Variants in AGAP1 observed in about 807,000 individuals in gnomAD.
AGAP1 encodes arf-GAP with GTPase, ANK repeat and PH domain-containing protein 1.
Under a neutral mutation model 105.3 loss-of-function variants are expected in AGAP1, and 29 were observed. The observed-to-expected ratio is 0.28, with a 90% CI of 0.21 to 0.38. The LOEUF (loss-of-function observed/expected upper bound fraction) is 0.38, where lower values mean the gene tolerates loss of function less well. Among genes scored for constraint, AGAP1 ranks in the 10% least tolerant of loss-of-function variants. AGAP1 has a pLI of 1.00. For missense variants in AGAP1, 998 were observed against 1,165.1 expected (o/e 0.86, Z 2.09); for synonymous variants, 509 against 485.9 (o/e 1.05, Z -0.63).
rs1198327925 is a variant in AGAP1 at position 235,600,658 on chromosome 2, A to G, written c.163+105809A>G. 1.3e-5 allele frequency among the ~76,000 whole-genome samples: 2 copies of G among 152,218 alleles called. No homozygotes were observed. Among genetic ancestry groups the G allele is most frequent in the East Asian group, 1.9e-4 (1 of 5,198 alleles). ...TGATGTTCGAGGGCAGGAAGCATCC[A>G]GCACAGGACAAAGATACAGGCTGGG... On this transcript the variant is annotated intron_variant, in intron 1 of 17. Transcript: ENST00000304032. The surrounding 1 kb of genome is among the most constrained non-coding windows in gnomAD (Gnocchi z 4.8).
At chr2:235,987,480 C>A (rs2317300) in intron 13 of AGAP1, among the ~76,000 whole-genome samples, 83,175 of 145,446 alleles carry the variant, frequency 0.57, 24,021 homozygotes, top group South Asian at 0.68. Flanking sequence ...TTTTCCCCCC[C>A]AAAAAACCAG....
rs754830064 is a variant in AGAP1, at chr2:235,743,822, A to T, written c.397-876A>T. 3.9e-5 allele frequency among the ~76,000 whole-genome samples: 6 copies of T among 152,324 alleles called. No individual in the cohort carries two copies. The South Asian group carries it at 6.2e-4, about 16-fold the overall frequency. ...CAAATTTGCACTTGGAAAGAGAAGGATCTTTGTTGCCAGATAGAGCTGATG... is the reference window on the plus strand; with the variant it reads ...CAAATTTGCACTTGGAAAGAGAAGGTTCTTTGTTGCCAGATAGAGCTGATG... On this transcript the variant is annotated intron_variant, in intron 4 of 17. Coordinates refer to ENST00000304032, the MANE Select transcript of AGAP1 (RefSeq NM_001037131.3).
chr2:235,816,920 T>C (rs930749900), intron 9 of AGAP1, among the ~76,000 whole-genome samples: 1 of 151,982 alleles, frequency 6.6e-6, no homozygotes, highest in Admixed American at 6.6e-5. Context: ...AGACCAAGAC[T>C]CCTAAGGAAA....
chr2:236,111,717 A>G (rs1223726083), intron 16 of AGAP1, among the ~76,000 whole-genome samples: 1 of 151,038 alleles, frequency 6.6e-6, no homozygotes, highest in Non-Finnish European at 1.5e-5. Context: ...GCTTGAGCCC[A>G]GGAGTTCGAG....
In AGAP1 at chr2:236,092,153, G is replaced by A. The variant is rs757187893; in HGVS notation, c.2115-28039G>A. 3.3e-5 allele frequency among the ~76,000 whole-genome samples: 5 copies of A among 152,188 alleles called. No individual in the cohort carries two copies. The highest frequency in any genetic ancestry group is 7.3e-5 in the Non-Finnish European group (5 of 68,034). On this transcript the variant is annotated intron_variant, in intron 16 of 17. Transcript: ENST00000304032. This position sits in a 1 kb window ranked among gnomAD's most constrained non-coding sequence, Gnocchi z 4.7. Reference sequence around the variant, plus strand: ...GGGTGAGGTTTTAGAAAGGCAACAAGAGAGACCCTTGACTGGTGCTAGATA... The same window carrying A: ...GGGTGAGGTTTTAGAAAGGCAACAAAAGAGACCCTTGACTGGTGCTAGATA...
chr2:235,998,766 G>A (rs2055930620), intron 13 of AGAP1, among the ~76,000 whole-genome samples: 1 of 151,578 alleles, frequency 6.6e-6, no homozygotes, highest in Admixed American at 6.6e-5. Context: ...GGTGATGATG[G>A]TGAGAGGTTA....
rs1434841918 is a variant in AGAP1 at position 235,559,601 on chromosome 2, C to T, written c.163+64752C>T. ...CCCTCATCCAGATCCCCAGACGTGA[C>T]CACTGTTATGTGGTTATATGTTACG... On this transcript the variant is annotated intron_variant, in intron 1 of 17. Coordinates refer to ENST00000304032, the MANE Select transcript of AGAP1 (RefSeq NM_001037131.3). The surrounding 1 kb of genome is among the most constrained non-coding windows in gnomAD (Gnocchi z 5.7). Among the ~76,000 whole-genome samples, 1 of 152,180 alleles carries T rather than the reference C, an allele frequency of 6.6e-6. No individual in the cohort carries two copies. Among genetic ancestry groups the T allele is most frequent in the Non-Finnish European group, 1.5e-5 (1 of 68,036 alleles).
intron 13 of AGAP1, among the ~76,000 whole-genome samples, chr2:236,016,420 G>A (rs547125343): frequency 2.2e-4 from 29 of 133,124 alleles, no homozygotes; most frequent in African/African-American, 7.8e-4. Flanking sequence ...TGGGTTTGTC[G>A]CAACAAATTT....
intron 14 of AGAP1, chr2:236,037,439 C>T (rs142993515): frequency 6.6e-6 from 1 of 152,130 alleles, no homozygotes; most frequent in Non-Finnish European, 1.5e-5. Context: ...TCTCTGTCAC[C>T]TAGGCTGGAG....
chr2:235,950,355 C>T (rs2053680071), intron 12 of AGAP1, among the ~76,000 whole-genome samples: 1 of 151,564 alleles, frequency 6.6e-6, no homozygotes, highest in Non-Finnish European at 1.5e-5. Flanking sequence ...CTGGCCATGG[C>T]TGTGCCATAG....
chr2:235,666,818 A>G (rs1948142278), intron 1 of AGAP1, among the ~76,000 whole-genome samples: 1 of 152,062 alleles, frequency 6.6e-6, no homozygotes, highest in African/African-American at 2.4e-5. Context: ...CAAGCCAGAT[A>G]GATTTACATA....
intron 9 of AGAP1, among the ~76,000 whole-genome samples, chr2:235,856,159 G>T: frequency 6.6e-6 from 1 of 152,034 alleles, no homozygotes; most frequent in East Asian, 1.9e-4. Context: ...TGAGCCACTC[G>T]CCTCGGCCTC....
chr2:236,124,238 ACCTC>A lies in AGAP1; in HGVS notation c.*123_*126del. ...CATCCCCTCCCTCTTCCTGGTGGCC[ACCTC>A]CCTCCCGCCCACCCACTCTCACCCC... On this transcript the variant is annotated 3_prime_UTR_variant, in exon 18 of 18. Coordinates refer to ENST00000304032, the MANE Select transcript of AGAP1 (RefSeq NM_001037131.3). This position sits in a 1 kb window ranked among gnomAD's most constrained non-coding sequence, Gnocchi z 5.1. 8.5e-7 allele frequency: 1 copy of A among 1,180,784 alleles called. No individual in the cohort carries two copies. The highest frequency in any genetic ancestry group is 1.2e-6 in the Non-Finnish European group (1 of 832,912). 73.1% of individuals were successfully genotyped at this position (1,180,784 alleles called of 1,614,324 possible). A position where few individuals can be genotyped will look rare whatever the true frequency, so the allele number is the denominator to read the frequency against.
chr2:235,649,706 G>C (rs1435102162), intron 1 of AGAP1, among the ~76,000 whole-genome samples: 2 of 152,210 alleles, frequency 1.3e-5, no homozygotes, highest in Non-Finnish European at 2.9e-5. Flanking sequence ...CCAGGTGGCT[G>C]TGCTGATGCT....
In AGAP1 at chr2:236,124,006, G is replaced by A. The variant is rs767278330; in HGVS notation, c.2458G>A (p.Val820Met). Residue 820 changes from valine to methionine, a missense_variant, in exon 18 of 18, where the codon GTG becomes ATG. Val to Met is a conservative substitution (Grantham distance 21). Transcript: ENST00000304032. This position sits in a 1 kb window ranked among gnomAD's most constrained non-coding sequence, Gnocchi z 5.1. The stretch of plus-strand genomic sequence containing the variant: ...GGCCTCCAGCCAGGAGTGCATCGAC[G>A]TGCTGCTGCAGTACGGCTGCCCCGA... ...RQASSQECIDVLLQYGCPDER... is the reference protein window; with the variant it reads ...RQASSQECIDMLLQYGCPDER... The A allele has an allele frequency of 5.0e-6, 8 of 1,614,034 alleles. No homozygotes were observed. The highest frequency in any genetic ancestry group is 1.7e-5 in the Admixed American group (1 of 59,998).
Position 235,631,272 on chromosome 2 carries a change from C to T in AGAP1, c.164-77907C>T, listed in dbSNP as rs981169768. ...TCCCAGGGTAACAAAAGGGTGGTGT[C>T]CCCTAAAGGCTTGGAAGGATTGAGT... On this transcript the variant is annotated intron_variant, in intron 1 of 17. Transcript: ENST00000304032. This position sits in a 1 kb window ranked among gnomAD's most constrained non-coding sequence, Gnocchi z 5.4. Among the ~76,000 whole-genome samples the T allele has an allele frequency of 6.6e-6, 1 of 152,168 alleles. No homozygotes were observed. The highest frequency in any genetic ancestry group is 1.9e-4 in the East Asian group (1 of 5,182).
chr2:235,919,137 G>A lies in AGAP1; in HGVS notation c.1324+10231G>A, dbSNP rs867564574. 9.9e-5 allele frequency among the ~76,000 whole-genome samples: 15 copies of A among 152,228 alleles called. No individual in the cohort carries two copies. The highest frequency in any genetic ancestry group is 3.1e-4 in the African/African-American group (13 of 41,544). On this transcript the variant is annotated intron_variant, in intron 11 of 17. Transcript: ENST00000304032. The surrounding 1 kb of genome is among the most constrained non-coding windows in gnomAD (Gnocchi z 4.1). ...CAGCTGTGGGAAAGAGGAGGTGCCC[G>A]GAAGAGCCTCTGTGAATTACCCGCG... is the stretch of plus-strand genomic sequence containing the variant.
intron 1 of AGAP1, among the ~76,000 whole-genome samples, chr2:235,562,873 A>C (rs1431696800): frequency 6.6e-6 from 1 of 152,058 alleles, no homozygotes; most frequent in African/African-American, 2.4e-5. Flanking sequence ...CCTGGACAAC[A>C]TGGGGAGATC....
intron 1 of AGAP1, chr2:235,524,405 T>A (rs564552928): frequency 4.6e-6 from 1 of 218,014 alleles, no homozygotes; most frequent in African/African-American, 2.4e-5. Context: ...TGTGTGATAT[T>A]TTTGCACAGC....
Sources: gnomAD v4.1 joint callset for allele counts (sites outside exome capture counted in the v4.1 genomes callset) on GRCh38, gnomAD v4.1.1 for gene constraint, Gnocchi (gnomAD v3.1) non-coding constraint, MANE v1.5 for transcripts, NCBI Gene and HGNC (gene_info 2026-07-23, HGNC 2026-07-21) for gene names.